Variants in BIRC6 observed in about 807,000 individuals in gnomAD.
BIRC6 encodes the protein dual E2 ubiquitin-conjugating enzyme/E3 ubiquitin-protein ligase BIRC6.
In BIRC6, 98 loss-of-function variants were observed where a neutral mutation model predicts 503.3. The observed-to-expected ratio is 0.19, with a 90% confidence interval of 0.17 to 0.23. The LOEUF (loss-of-function observed/expected upper bound fraction) is 0.23, where lower values mean the gene tolerates loss of function less well. BIRC6 is among the 10% of genes least tolerant of loss of function. The pLI, the probability that BIRC6 is intolerant of heterozygous loss-of-function variation, is 1.00. For missense variants in BIRC6, 5,360 were observed against 5,806.0 expected, an observed-to-expected ratio of 0.92 and a Z score of 2.50; for synonymous variants, 2,240 against 2,078.7, an observed-to-expected ratio of 1.08 and a Z score of -2.11.
intron 51 of BIRC6, 134 bp downstream of exon 51, chr2:32,508,393 TA>T: frequency 8.4e-7 from 1 of 1,194,258 alleles, no homozygotes; most frequent in Non-Finnish European, 1.1e-6. Flanking sequence ...GGTATCTGTA[TA>T]ATACAATTTT....
At chr2:32,544,187 C>G (rs1013613432) in intron 62 of BIRC6, among the ~76,000 whole-genome samples, 3 of 152,014 alleles carry the variant, frequency 2.0e-5, no homozygotes, top group Non-Finnish European at 4.4e-5. Flanking sequence ...GTACTAAAAA[C>G]TTTAGATTTT....
intron 65 of BIRC6, among the ~76,000 whole-genome samples, chr2:32,561,485 C>G (rs1180205823): frequency 6.6e-6 from 1 of 151,742 alleles, no homozygotes; most frequent in East Asian, 2.0e-4. Flanking sequence ...AATGATCTGC[C>G]CACCTCGGCC....
At chr2:32,410,774 C>A (rs1390660313) in intron 9 of BIRC6, among the ~76,000 whole-genome samples, 1 of 151,578 alleles carries the variant, frequency 6.6e-6, no homozygotes, top group African/African-American at 2.4e-5. Context: ...GATCTCGGCT[C>A]ACTGCAAGCT....
Position 32,607,595 on chromosome 2 carries a change from G to A in BIRC6, c.14211G>A (p.Lys4737=), listed in dbSNP as rs988185739. 1 of 1,613,660 alleles carries A rather than the reference G, an allele frequency of 6.2e-7. No homozygotes were observed. The highest frequency in any genetic ancestry group is 1.3e-5 in the African/African-American group (1 of 74,928). Residue 4737 remains lysine, a synonymous_variant, in exon 72 of 74, where the codon AAG becomes AAA. Transcript: ENST00000421745. ...YDGNIRQATV[K]WAMLEQIRNP... ...GAAACATTCGACAAGCAACAGTTAAGTGGGCAATGCTAGAACAAATCAGAA... is the reference window on the plus strand; with the variant it reads ...GAAACATTCGACAAGCAACAGTTAAATGGGCAATGCTAGAACAAATCAGAA...
intron 42 of BIRC6, among the ~76,000 whole-genome samples, chr2:32,489,636 A>T (rs2051448801): frequency 6.6e-6 from 1 of 152,176 alleles, no homozygotes; most frequent in Admixed American, 6.5e-5. Context: ...ACATGGTGAA[A>T]AAAATACAAA....
chr2:32,579,122 G>A (rs887063096), intron 66 of BIRC6, among the ~76,000 whole-genome samples: 3 of 148,942 alleles, frequency 2.0e-5, no homozygotes, highest in Admixed American at 6.7e-5. Context: ...CAGATCTCTA[G>A]GTAGTGATTG....
chr2:32,427,274 T>TTTTA (rs773778262), intron 10 of BIRC6, among the ~76,000 whole-genome samples: 70 of 149,396 alleles, frequency 4.7e-4, no homozygotes, highest in Non-Finnish European at 5.5e-4. Flanking sequence ...CTTCTTTTAA[T>TTTTA]TTTTATTTTA....
At chr2:32,525,721 G>T in intron 59 of BIRC6, 93 bp downstream of exon 59, 1 of 1,291,766 alleles carries the variant, frequency 7.7e-7, no homozygotes. Context: ...ATTTTAATCA[G>T]GTGCCATTGA....
At position 32,489,480 on chromosome 2, in the gene BIRC6, G is replaced by A. The variant is rs576433836; in HGVS notation, c.8096-561G>A. 4.0e-5 allele frequency among the ~76,000 whole-genome samples: 6 copies of A among 151,434 alleles called. No homozygotes were observed. In the South Asian group the frequency reaches 1.0e-3, roughly 26 times the overall value. ...TCATCTGTTTTTAATTTTATTATGAGAAATATTAAATATATATAAAAAATA... is the reference window on the plus strand; with the variant it reads ...TCATCTGTTTTTAATTTTATTATGAAAAATATTAAATATATATAAAAAATA... On this transcript the variant is annotated intron_variant, in intron 42 of 73. Transcript: ENST00000421745.
Position 32,442,539 on chromosome 2 carries a change from A to G in BIRC6, c.4238+84A>G. On this transcript the variant is annotated intron_variant, in intron 19 of 73. Transcript: ENST00000421745. ...GATACCTTGTTTATAGTGTGATTTG[A>G]TCCTTGTTTAATGTATGTATAATTT... The G allele has an allele frequency of 2.2e-6, 3 of 1,354,734 alleles. No homozygotes were observed. The Middle Eastern group carries it at 5.6e-4, about 255-fold the overall frequency. The allele number at this position is 1,354,734 out of a possible 1,614,324, so 83.9% of individuals were successfully genotyped here. A position where few individuals can be genotyped will look rare whatever the true frequency, so the allele number is the denominator to read the frequency against.
chr2:32,441,632 G>C (rs1355045518), intron 17 of BIRC6, among the ~76,000 whole-genome samples, 170 bp downstream of exon 17: 1 of 151,838 alleles, frequency 6.6e-6, no homozygotes, highest in Non-Finnish European at 1.5e-5. Context: ...ATACTTCATT[G>C]GTTTATCTCT....
intron 34 of BIRC6, among the ~76,000 whole-genome samples, chr2:32,476,869 G>A (rs1394272437): frequency 1.3e-5 from 2 of 152,158 alleles, no homozygotes; most frequent in African/African-American, 2.4e-5. Context: ...TGATTTGTAA[G>A]TTTTAAAACC....
At chr2:32,466,624 GA>G (rs1163761574) in intron 26 of BIRC6, among the ~76,000 whole-genome samples, 1 of 152,012 alleles carries the variant, frequency 6.6e-6, no homozygotes, top group African/African-American at 2.4e-5. Context: ...GTGAAATTAA[GA>G]AAAAAAGTTG....
At chr2:32,489,441 A>T (rs768879887) in intron 42 of BIRC6, among the ~76,000 whole-genome samples, 31 of 151,758 alleles carry the variant, frequency 2.0e-4, no homozygotes, top group Non-Finnish European at 1.0e-4. Context: ...TTATTATTAT[A>T]ATAAAATTTG....
At chr2:32,576,993 G>T (rs1559089731) in intron 66 of BIRC6, among the ~76,000 whole-genome samples, 1 of 152,098 alleles carries the variant, frequency 6.6e-6, no homozygotes, top group Non-Finnish European at 1.5e-5. Flanking sequence ...GAAGAGAATA[G>T]TGTTGTATTT....
Position 32,445,230 on chromosome 2 carries a change from C to T in BIRC6, c.4337-291C>T, listed in dbSNP as rs77185376. Among the ~76,000 whole-genome samples, 405 of 152,312 alleles carry T rather than the reference C, an allele frequency of 2.7e-3. 6 individuals carry two copies. Among genetic ancestry groups the T allele is most frequent in the African/African-American group, 9.5e-3 (396 of 41,574 alleles). On this transcript the variant is annotated intron_variant, in intron 20 of 73. Transcript: ENST00000421745. ...CTCAGAGGCATCTCACATTATTATA[C>T]ACCTAAATAAATACACATTATTATA...
At chr2:32,590,132 A>T (rs1317969476) in intron 66 of BIRC6, among the ~76,000 whole-genome samples, 1 of 152,174 alleles carries the variant, frequency 6.6e-6, no homozygotes, top group African/African-American at 2.4e-5. Flanking sequence ...TGCATCCTGG[A>T]GATACTAGAA....
Position 32,442,418 on chromosome 2 carries a change from G to A in BIRC6, c.4201G>A (p.Ala1401Thr). ...VCFFEAGRSIAHKCARFLALC... is the reference protein window; with the variant it reads ...VCFFEAGRSITHKCARFLALC... ...CTTCTTTGAGGCAGGACGAAGTATA[G>A]CCCATAAGTGTGCCCGATTTCTAGC... Residue 1401 changes from alanine (A) to threonine (T), a missense_variant, in exon 19 of 74, where the codon GCC becomes ACC. By Grantham distance (58) the Ala-to-Thr change is moderately conservative (BLOSUM62 0). Around this residue, in one of 16 missense-constraint regions of BIRC6, gnomAD observed 2,299 missense variants for 2,267.2 expected, o/e 1.01. Transcript: ENST00000421745. 6.2e-7 allele frequency: 1 copy of A among 1,609,552 alleles called. No homozygotes were observed. Among genetic ancestry groups the A allele is most frequent in the Non-Finnish European group, 8.5e-7 (1 of 1,177,816 alleles).
chr2:32,454,345 C>A (rs570597331), intron 23 of BIRC6, among the ~76,000 whole-genome samples: 1 of 152,074 alleles, frequency 6.6e-6, no homozygotes, highest in Admixed American at 6.5e-5. Flanking sequence ...TTAAAACAAC[C>A]TTGAATATGT....
Sources: allele counts gnomAD v4.1 joint callset (sites outside exome capture counted in the v4.1 genomes callset), GRCh38; gene constraint gnomAD v4.1.1; regional missense constraint gnomAD v4.1.1; transcripts MANE v1.5; gene names NCBI Gene and HGNC (gene_info 2026-07-23, HGNC 2026-07-21).